The following OCA2 variants were observed in gnomAD, a reference collection of about 807,000 sequenced individuals.
OCA2 encodes P protein.
A neutral mutation model predicts 100.2 loss-of-function variants in OCA2; 77 were observed. The ratio of observed to expected loss-of-function variants is 0.77; its 90% confidence interval spans 0.64 to 0.93. The LOEUF (loss-of-function observed/expected upper bound fraction) is 0.93. Among genes scored for constraint, OCA2 ranks in the 40% least tolerant of loss-of-function variants. The probability of loss-of-function intolerance (pLI) is 0.00; values close to 1 mark genes in which losing one functional copy is unlikely to be tolerated. For missense variants in OCA2, 1,062 were observed against 1,089.1 expected (o/e 0.98, Z 0.35); for synonymous variants, 432 against 439.2 (o/e 0.98, Z 0.21).
chr15:27,913,258 A>C (rs2038465815), intron 19 of OCA2, among the ~76,000 whole-genome samples: 1 of 152,122 alleles, frequency 6.6e-6, no homozygotes, highest in Non-Finnish European at 1.5e-5. Flanking sequence ...TTTTTAACTT[A>C]GGGGAAGTTG....
chr15:28,015,304 G>C (rs1284140254), intron 8 of OCA2, among the ~76,000 whole-genome samples: 1 of 152,170 alleles, frequency 6.6e-6, no homozygotes, highest in Non-Finnish European at 1.5e-5. Flanking sequence ...TGAGAGTGGG[G>C]AGACGCACTA....
intron 23 of OCA2, chr15:27,775,584 AC>A: frequency 6.6e-6 from 1 of 152,246 alleles, no homozygotes; most frequent in Non-Finnish European, 1.5e-5. Context: ...GCCAGGCACC[AC>A]CCCCAGGTCC....
intron 4 of OCA2, among the ~76,000 whole-genome samples, chr15:28,026,981 G>A (rs551517753): frequency 1.3e-4 from 20 of 152,342 alleles, no homozygotes; most frequent in African/African-American, 4.8e-4. Context: ...GGCCAGGCAA[G>A]GCCCTGCGAT....
intron 23 of OCA2, 94 bp from the exon 24 acceptor site, chr15:27,755,566 C>A (rs2030286999): frequency 3.1e-6 from 3 of 971,932 alleles, no homozygotes; most frequent in Admixed American, 3.6e-5. Flanking sequence ...GCCTTAGCAC[C>A]TTTGCATTTT....
At chr15:27,911,903 A>G (rs940660151) in intron 19 of OCA2, among the ~76,000 whole-genome samples, 5 of 152,346 alleles carry the variant, frequency 3.3e-5, no homozygotes, top group Admixed American at 6.5e-5. Context: ...TCAGAAAACC[A>G]TATTTTGACA....
chr15:28,045,312 G>A (rs2043316248), intron 2 of OCA2, among the ~76,000 whole-genome samples: 1 of 152,146 alleles, frequency 6.6e-6, no homozygotes, highest in South Asian at 2.1e-4. Flanking sequence ...ATACATGTAT[G>A]TACACATATA....
intron 19 of OCA2, among the ~76,000 whole-genome samples, chr15:27,913,850 A>G (rs1341676193): frequency 3.1e-4 from 11 of 34,958 alleles, no homozygotes; most frequent in Admixed American, 2.5e-3. Context: ...AAAGAAAGAA[A>G]GAAAGAAAGA....
chr15:27,965,661 TGAGA>T (rs1365593145), intron 15 of OCA2, among the ~76,000 whole-genome samples: 2 of 152,064 alleles, frequency 1.3e-5, no homozygotes, highest in Non-Finnish European at 2.9e-5. Flanking sequence ...TCACAAAGGC[TGAGA>T]GAGATCAACA....
intron 2 of OCA2, among the ~76,000 whole-genome samples, chr15:28,076,158 G>A (rs928927100): frequency 1.1e-4 from 17 of 152,142 alleles, no homozygotes; most frequent in Admixed American, 9.8e-4. Flanking sequence ...TTACATATAG[G>A]AAAGACCAGA....
intron 17 of OCA2, among the ~76,000 whole-genome samples, chr15:27,952,655 T>C: frequency 6.7e-6 from 1 of 149,046 alleles, no homozygotes; most frequent in Non-Finnish European, 1.5e-5. Context: ...TTCTTTCATT[T>C]ATTTATTTAT....
chr15:27,814,568 G>A (rs551009937), intron 23 of OCA2, among the ~76,000 whole-genome samples: 5 of 152,108 alleles, frequency 3.3e-5, no homozygotes, highest in Non-Finnish European at 7.4e-5. Flanking sequence ...TCTAAGCATA[G>A]GTGTGTTCAT....
intron 18 of OCA2, among the ~76,000 whole-genome samples, chr15:27,930,925 G>A (rs1156928041): frequency 6.6e-6 from 1 of 152,114 alleles, no homozygotes; most frequent in Non-Finnish European, 1.5e-5. Context: ...TCAAAGAACT[G>A]GGGCATCATC....
At chr15:28,022,611 T>A (rs1385430319) in intron 5 of OCA2, 38 bp from the exon 6 acceptor site, 1 of 1,459,338 alleles carries the variant, frequency 6.9e-7, no homozygotes. Flanking sequence ...AGAGGTGTGG[T>A]ATGAGAGCAG....
chr15:27,908,092 T>C (rs546926746), intron 19 of OCA2, among the ~76,000 whole-genome samples: 36 of 152,130 alleles, frequency 2.4e-4, no homozygotes, highest in Non-Finnish European at 4.1e-4. Flanking sequence ...GTATTACTTA[T>C]GAATATCATG....
intron 21 of OCA2, among the ~76,000 whole-genome samples, chr15:27,859,822 A>G (rs2036067920): frequency 6.6e-6 from 1 of 152,216 alleles, no homozygotes; most frequent in East Asian, 1.9e-4. Flanking sequence ...CTCCACAAAC[A>G]TGACATCGAT....
the OCA2 span, among the ~76,000 whole-genome samples, chr15:27,746,147 CT>C: frequency 6.6e-6 from 1 of 152,184 alleles, no homozygotes; most frequent in Non-Finnish European, 1.5e-5. Flanking sequence ...GCGTTTCACT[CT>C]TCATCAACAT....
At position 27,878,333 on chromosome 15, in the gene OCA2, T is replaced by C. The variant is rs145408752; in HGVS notation, c.2080-6411A>G. Among the ~76,000 whole-genome samples, 452 of 152,308 alleles carry C rather than the reference T, an allele frequency of 3.0e-3. 3 individuals carry two copies. Among genetic ancestry groups the C allele is most frequent in the Non-Finnish European group, 3.9e-3 (263 of 67,992 alleles). On this transcript the variant is annotated intron_variant, in intron 19 of 23. Transcript: ENST00000354638. ...TCTTCATCCCTAAAGATCTAATTTCTCTGTAGTATCATTTTGCTTCATCCT... is the reference window on the plus strand; with the variant it reads ...TCTTCATCCCTAAAGATCTAATTTCCCTGTAGTATCATTTTGCTTCATCCT...
intron 23 of OCA2, among the ~76,000 whole-genome samples, chr15:27,816,506 G>A (rs2034305258): frequency 6.6e-6 from 1 of 152,194 alleles, no homozygotes; most frequent in South Asian, 2.1e-4. Flanking sequence ...AAGTATGGGT[G>A]GATTTCTCAG....
chr15:27,734,151 CAAA>C, the OCA2 span, among the ~76,000 whole-genome samples: 67 of 127,322 alleles, frequency 5.3e-4, no homozygotes, highest in Admixed American at 8.6e-4. Flanking sequence ...GGCTCTGTCT[CAAA>C]AAAAAAAAAA....
Sources: allele counts gnomAD v4.1 joint callset (sites outside exome capture counted in the v4.1 genomes callset), GRCh38; gene constraint gnomAD v4.1.1; transcripts MANE v1.5; gene names NCBI Gene and HGNC (gene_info 2026-07-23, HGNC 2026-07-21).